Variants in NALCN observed in about 807,000 individuals in gnomAD.
NALCN encodes sodium leak channel, non-selective.
Under a neutral mutation model 225.3 loss-of-function variants are expected in NALCN, and 111 were observed. That is an observed-to-expected ratio of 0.49 (90% confidence interval 0.42 to 0.58). The LOEUF (loss-of-function observed/expected upper bound fraction) is 0.58. NALCN is among the 20% of genes least tolerant of loss of function. The pLI is 0.00. For synonymous variants in NALCN, 764 were observed against 769.0 expected (o/e 0.99, Z 0.11); for missense variants, 1,378 against 2,202.4 (o/e 0.63, Z 7.49).
rs767241342 is a variant in NALCN at position 101,110,657 on chromosome 13, T to G, written c.2326A>C (p.Ile776Leu). 9.3e-6 allele frequency: 15 copies of G among 1,613,970 alleles called. No individual in the cohort carries two copies. The highest frequency in any genetic ancestry group is 1.6e-4 in the Middle Eastern group (1 of 6,084). The change falls in exon 20 of 44, where the codon ATC becomes CTC. Residue 776 changes from isoleucine to leucine, a missense_variant. Ile to Leu is a conservative substitution (Grantham distance 5). Around this residue, in one of 19 missense-constraint regions of NALCN, gnomAD observed 66 missense variants for 85.7 expected, o/e 0.77. Coordinates refer to ENST00000251127, the MANE Select transcript of NALCN (RefSeq NM_052867.4). Reference protein sequence around the residue: ...SLRHGSNSQRISRGKSLETLT... With the variant: ...SLRHGSNSQRLSRGKSLETLT... The stretch of plus-strand genomic sequence containing the variant: ...GTTTCAAGAGATTTTCCCCTGCTGA[T>G]CCTCTGGCTGTTTGATCCATGTCTT...
intron 6 of NALCN, among the ~76,000 whole-genome samples, chr13:101,373,455 A>G (rs556954830): frequency 5.9e-5 from 9 of 152,342 alleles, no homozygotes; most frequent in African/African-American, 1.9e-4. Flanking sequence ...GAGGAATACA[A>G]TATGACCAAA....
At chr13:101,345,974 G>A (rs1179036378) in intron 6 of NALCN, among the ~76,000 whole-genome samples, 2 of 146,618 alleles carry the variant, frequency 1.4e-5, no homozygotes, top group South Asian at 2.1e-4. Flanking sequence ...GGAGATATAC[G>A]TGACGTGTCT....
intron 10 of NALCN, among the ~76,000 whole-genome samples, chr13:101,278,383 C>T (rs947713831): frequency 9.9e-5 from 15 of 151,856 alleles, no homozygotes; most frequent in East Asian, 5.8e-4. Flanking sequence ...ATCAGCCAGG[C>T]GTGGTGGCGC....
At chr13:101,060,067 G>C in intron 41 of NALCN, 100 bp from the exon 42 acceptor site, 1 of 1,354,994 alleles carries the variant, frequency 7.4e-7, no homozygotes, top group Non-Finnish European at 1.0e-6. Flanking sequence ...CCTAAGACCT[G>C]CATGACGGGT....
chr13:101,382,555 T>A (rs1454333179), intron 3 of NALCN, among the ~76,000 whole-genome samples: 11 of 152,172 alleles, frequency 7.2e-5, no homozygotes, highest in African/African-American at 2.7e-4. Context: ...TGACTGAATT[T>A]TTGTTTCTGA....
chr13:101,121,315 G>C (rs1415101027), intron 18 of NALCN, among the ~76,000 whole-genome samples: 1 of 152,004 alleles, frequency 6.6e-6, no homozygotes, highest in African/African-American at 2.4e-5. Flanking sequence ...TTAAGTCAAG[G>C]GGTTGCTTTA....
chr13:101,225,453 A>G (rs2041106118), intron 13 of NALCN, among the ~76,000 whole-genome samples: 1 of 152,182 alleles, frequency 6.6e-6, no homozygotes, highest in African/African-American at 2.4e-5. Context: ...TGGCTGCCTT[A>G]TGTATAACCT....
chr13:101,084,019 A>G (rs185046272), intron 30 of NALCN, among the ~76,000 whole-genome samples: 1 of 152,308 alleles, frequency 6.6e-6, no homozygotes, highest in Admixed American at 6.5e-5. Flanking sequence ...GAGAGAATTC[A>G]GCAGCCTTCG....
At chr13:101,114,710 G>A (rs972292670) in intron 18 of NALCN, among the ~76,000 whole-genome samples, 1 of 152,214 alleles carries the variant, frequency 6.6e-6, no homozygotes, top group African/African-American at 2.4e-5. Context: ...CTAAAACTGT[G>A]AGATGAAAAA....
Position 101,395,266 on chromosome 13 carries a change from C to A in NALCN, c.208G>T (p.Val70Leu), listed in dbSNP as rs75606652. The A allele has an allele frequency of 1.7e-3, 2,679 of 1,614,034 alleles. 5 individuals carry two copies. Among genetic ancestry groups the A allele is most frequent in the Non-Finnish European group, 2.2e-3 (2,566 of 1,179,948 alleles). ...AATAATGTATCCAAAGTGAAGGTCA[C>A]ATACTGAAGTGGAGGATAGTGCTCG... Reference protein sequence around the residue: ...TFEHYPPLQYVTFTLDTLLMF... With the variant: ...TFEHYPPLQYLTFTLDTLLMF... The change falls in exon 3 of 44, where the codon GTG becomes TTG. Residue 70 changes from valine to leucine, a missense_variant. Physicochemically the swap from Val to Leu is conservative, Grantham distance 32. Transcript: ENST00000251127.
In NALCN at chr13:101,395,276, T is replaced by G; in HGVS notation, c.198A>C (p.Pro66=). 1 of 1,614,004 alleles carries G rather than the reference T, an allele frequency of 6.2e-7. No homozygotes were observed. Among genetic ancestry groups the G allele is most frequent in the Non-Finnish European group, 8.5e-7 (1 of 1,179,932 alleles). Residue 66 remains proline (P), a synonymous_variant, in exon 3 of 44, where the codon CCA becomes CCC. Coordinates refer to ENST00000251127, the MANE Select transcript of NALCN (RefSeq NM_052867.4). ...NTPMTFEHYP[P]LQYVTFTLDT... is the part of the protein sequence containing the mutation. ...CCAAAGTGAAGGTCACATACTGAAG[T>G]GGAGGATAGTGCTCGAAGGTCATTG...
At chr13:101,366,638 A>G (rs999832688) in intron 6 of NALCN, among the ~76,000 whole-genome samples, 3 of 152,166 alleles carry the variant, frequency 2.0e-5, no homozygotes, top group Non-Finnish European at 2.9e-5. Context: ...TTTTTTAAAT[A>G]ATAGTATTTC....
At chr13:101,295,324 G>A (rs2043704690) in intron 7 of NALCN, among the ~76,000 whole-genome samples, 2 of 152,092 alleles carry the variant, frequency 1.3e-5, no homozygotes, top group Non-Finnish European at 2.9e-5. Flanking sequence ...TTTCCTCTAG[G>A]TTTTTGAATG....
At chr13:101,278,692 C>T (rs1451179972) in intron 10 of NALCN, among the ~76,000 whole-genome samples, 1 of 152,124 alleles carries the variant, frequency 6.6e-6, no homozygotes, top group Middle Eastern at 3.2e-3. Context: ...CCTGCCAAGG[C>T]TCTGCCACCA....
intron 15 of NALCN, among the ~76,000 whole-genome samples, chr13:101,168,118 ATTCTAGGCTTTCCTC>A (rs912785285): frequency 6.6e-6 from 1 of 152,114 alleles, no homozygotes; most frequent in African/African-American, 2.4e-5. Flanking sequence ...TGACAAACAC[ATTCTAGGCTTTCCTC>A]TTACCTCTTG....
At chr13:101,173,625 G>A (rs2038838828) in intron 15 of NALCN, among the ~76,000 whole-genome samples, 3 of 152,144 alleles carry the variant, frequency 2.0e-5, no homozygotes, top group African/African-American at 7.2e-5. Context: ...CATACAAGCA[G>A]ATGTGGTAAA....
chr13:101,219,095 A>T (rs1262807766), intron 13 of NALCN, among the ~76,000 whole-genome samples: 3 of 152,154 alleles, frequency 2.0e-5, no homozygotes, highest in African/African-American at 4.8e-5. Flanking sequence ...GGGAGTTGGG[A>T]TATCAACATA....
chr13:101,178,041 C>T (rs1193869636), intron 14 of NALCN, among the ~76,000 whole-genome samples: 1 of 150,326 alleles, frequency 6.7e-6, no homozygotes, highest in Non-Finnish European at 1.5e-5. Flanking sequence ...ATGACTGGTA[C>T]ACCACTGGTA....
intron 6 of NALCN, among the ~76,000 whole-genome samples, chr13:101,360,106 TTC>T (rs930519562): frequency 1.0e-4 from 14 of 137,946 alleles, no homozygotes; most frequent in East Asian, 4.6e-4. Context: ...TTCTTTCTCT[TTC>T]TCTTTTTCTT....
Sources: gnomAD v4.1 joint callset for allele counts (sites outside exome capture counted in the v4.1 genomes callset) on GRCh38, gnomAD v4.1.1 for gene constraint, gnomAD v4.1.1 regional missense constraint, MANE v1.5 for transcripts, NCBI Gene and HGNC (gene_info 2026-07-23, HGNC 2026-07-21) for gene names.